Variants in GRIA2 observed in about 807,000 individuals in gnomAD.
GRIA2 encodes glutamate ionotropic receptor AMPA type subunit 2.
Under a neutral mutation model 97.3 loss-of-function variants are expected in GRIA2, and 14 were observed. The ratio of observed to expected loss-of-function variants is 0.14; its 90% confidence interval spans 0.10 to 0.23. The LOEUF (loss-of-function observed/expected upper bound fraction) is 0.23. Ranked by LOEUF, GRIA2 falls within the 10% of genes least tolerant of loss-of-function variation. The pLI, the probability that GRIA2 is intolerant of heterozygous loss-of-function variation, is 1.00. For synonymous variants in GRIA2, 412 were observed against 387.8 expected, an observed-to-expected ratio of 1.06 and a Z score of -0.73; for missense variants, 558 against 1,069.8, an observed-to-expected ratio of 0.52 and a Z score of 6.67.
intron 2 of GRIA2, among the ~76,000 whole-genome samples, chr4:157,290,848 G>T (rs1181276823): frequency 1.3e-5 from 2 of 151,446 alleles, no homozygotes; most frequent in Non-Finnish European, 2.9e-5. Flanking sequence ...CAACCAACCT[G>T]GGTAGTTCAC....
chr4:157,319,572 T>C (rs760158449), intron 5 of GRIA2, among the ~76,000 whole-genome samples: 4 of 152,170 alleles, frequency 2.6e-5, no homozygotes, highest in Non-Finnish European at 4.4e-5. Context: ...AAAGGCTGTA[T>C]AGTGTTGCAA....
At chr4:157,341,546 C>A in intron 12 of GRIA2, 84 bp downstream of exon 12, 1 of 906,456 alleles carries the variant, frequency 1.1e-6, no homozygotes, top group Non-Finnish European at 1.8e-6. Context: ...TAGTCAATTC[C>A]AAGGTACTAT....
At chr4:157,229,451 T>C (rs1236942782) in intron 2 of GRIA2, among the ~76,000 whole-genome samples, 1 of 152,206 alleles carries the variant, frequency 6.6e-6, no homozygotes, top group Non-Finnish European at 1.5e-5. Context: ...TTGAAATTTA[T>C]TGGTATCTTC....
intron 4 of GRIA2, among the ~76,000 whole-genome samples, chr4:157,313,991 G>T (rs1358563136): frequency 6.6e-6 from 1 of 152,072 alleles, no homozygotes; most frequent in East Asian, 1.9e-4. Flanking sequence ...AGTGGAAGTG[G>T]ATCATCATAA....
In GRIA2 at chr4:157,252,266, T is replaced by C. The variant is rs1266860936; in HGVS notation, c.229+30459T>C. Among the ~76,000 whole-genome samples the C allele has an allele frequency of 2.0e-5, 3 of 152,124 alleles. No individual in the cohort carries two copies. In the East Asian group the frequency reaches 5.8e-4, roughly 29 times the overall value. On this transcript the variant is annotated intron_variant, in intron 2 of 15. Coordinates refer to ENST00000264426, the MANE Select transcript of GRIA2 (RefSeq NM_001083619.3). The stretch of plus-strand genomic sequence containing the variant: ...TGATCATATGGAACAAAAGCACTTG[T>C]GTGGTTGTGACTGCGAGCCGACTGG...
chr4:157,342,878 T>C (rs1392472290), intron 12 of GRIA2, among the ~76,000 whole-genome samples: 2 of 152,096 alleles, frequency 1.3e-5, no homozygotes, highest in Admixed American at 6.6e-5. Flanking sequence ...GTTTCAGTTA[T>C]TACCTTGTTT....
chr4:157,349,395 T>C (rs563881011), intron 12 of GRIA2, among the ~76,000 whole-genome samples: 37 of 152,112 alleles, frequency 2.4e-4, no homozygotes, highest in African/African-American at 7.9e-4. Flanking sequence ...TTTTTCATAG[T>C]CAAATTTTCT....
rs1427516697 is a variant in GRIA2 at position 157,322,240 on chromosome 4, A to AGTGTGT, written c.882+642_882+643insTGTGTG. On this transcript the variant is annotated intron_variant, in intron 6 of 15. Coordinates refer to ENST00000264426, the MANE Select transcript of GRIA2 (RefSeq NM_001083619.3). Reference sequence around the variant, plus strand: ...GAGAGAGAGTGAGAAAGAGAGAGAGAGAGTGTGTGTGTGTGTGTGTGTGTG... The same window carrying AGTGTGT: ...GAGAGAGAGTGAGAAAGAGAGAGAGAGTGTGTGAGTGTGTGTGTGTGTGTGTGTGTG... 5.8e-5 allele frequency among the ~76,000 whole-genome samples: 7 copies of AGTGTGT among 120,566 alleles called. No individual in the cohort carries two copies. In the South Asian group the frequency reaches 1.8e-3, roughly 32 times the overall value. 79.1% of individuals were successfully genotyped at this position (120,566 alleles called of 152,430 possible). A position where few individuals can be genotyped will look rare whatever the true frequency, so the allele number is the denominator to read the frequency against.
chr4:157,223,747 T>C (rs1729616343), intron 2 of GRIA2, among the ~76,000 whole-genome samples: 1 of 152,234 alleles, frequency 6.6e-6, no homozygotes. Context: ...TTGACAGCTG[T>C]ACTTTTTGAA....
At chr4:157,307,710 A>T (rs1006771981) in intron 3 of GRIA2, among the ~76,000 whole-genome samples, 1 of 152,252 alleles carries the variant, frequency 6.6e-6, no homozygotes, top group Non-Finnish European at 1.5e-5. Context: ...AGTGTCAACA[A>T]GGTAAGATAA....
intron 12 of GRIA2, among the ~76,000 whole-genome samples, chr4:157,355,908 T>TATTA (rs1560781051): frequency 1.9e-4 from 12 of 61,802 alleles, no homozygotes; most frequent in East Asian, 5.4e-4. Context: ...TATAAATATA[T>TATTA]ATATATTAAT....
rs1428065398 is a variant in GRIA2, at chr4:157,355,696, A to C, written c.2044-4200A>C. 1.3e-4 allele frequency among the ~76,000 whole-genome samples: 6 copies of C among 45,684 alleles called. No individual in the cohort carries two copies. The East Asian group carries it at 7.4e-3, about 57-fold the overall frequency. The allele number at this position is 45,684 out of a possible 152,430, so 30.0% of individuals were successfully genotyped here. On this transcript the variant is annotated intron_variant, in intron 12 of 15. Transcript: ENST00000264426. Reference sequence around the variant, plus strand: ...TATATATTTATTTATATATTTATTTATATATATTTGTATATATTTATTTAT... The same window carrying C: ...TATATATTTATTTATATATTTATTTCTATATATTTGTATATATTTATTTAT...
chr4:157,311,388 G>T (rs765125400), intron 3 of GRIA2, among the ~76,000 whole-genome samples: 35 of 151,902 alleles, frequency 2.3e-4, no homozygotes, highest in Non-Finnish European at 4.9e-4. Flanking sequence ...GCTCCTGTGT[G>T]CTTTGAGGTA....
At chr4:157,326,757 TC>T (rs1210994760) in intron 6 of GRIA2, among the ~76,000 whole-genome samples, 2 of 152,180 alleles carry the variant, frequency 1.3e-5, no homozygotes, top group African/African-American at 4.8e-5. Context: ...TGCTGAGAAA[TC>T]ATACTTTAGA....
At chr4:157,341,564 C>T (rs781441783) in intron 12 of GRIA2, 102 bp downstream of exon 12, 6 of 763,332 alleles carry the variant, frequency 7.9e-6, no homozygotes, top group Non-Finnish European at 1.4e-5. Flanking sequence ...TATGTGAAAG[C>T]ACCCCTAATT....
chr4:157,333,099 C>T lies in GRIA2; in HGVS notation c.1050+113C>T, dbSNP rs559286454. 293 of 986,538 alleles carry T rather than the reference C, an allele frequency of 3.0e-4. No homozygotes were observed. The highest frequency in any genetic ancestry group is 3.7e-4 in the Non-Finnish European group (248 of 670,564). 61.1% of individuals were successfully genotyped at this position (986,538 alleles called of 1,614,324 possible). A position where few individuals can be genotyped will look rare whatever the true frequency, so the allele number is the denominator to read the frequency against. ...TTGTGTCTAATATACAGGCAATGTT[C>T]TTTTCTAACAACACAAAGGTAGGTT... On this transcript the variant is annotated intron_variant, in intron 7 of 15. Coordinates refer to ENST00000264426, the MANE Select transcript of GRIA2 (RefSeq NM_001083619.3).
At chr4:157,353,309 G>A (rs1221140204) in intron 12 of GRIA2, among the ~76,000 whole-genome samples, 1 of 151,468 alleles carries the variant, frequency 6.6e-6, no homozygotes, top group African/African-American at 2.4e-5. Context: ...CCAAGATGGC[G>A]CCATTGCACT....
chr4:157,285,557 TTGTGTGTGTGTG>T (rs149477258), intron 2 of GRIA2, among the ~76,000 whole-genome samples: 17 of 147,330 alleles, frequency 1.2e-4, no homozygotes, highest in Admixed American at 4.8e-4. Context: ...CCTATAATAT[TTGTGTGTGTGTG>T]TGTGTGTGTG....
In GRIA2 at chr4:157,333,296, A is replaced by T. The variant is rs1579371251; in HGVS notation, c.1098A>T (p.Gly366=). 1 of 1,602,870 alleles carries T rather than the reference A, an allele frequency of 6.2e-7. No homozygotes were observed. Among genetic ancestry groups the T allele is most frequent in the African/African-American group, 1.3e-5 (1 of 74,430 alleles). ...LSGNIKFDQN[G]KRINYTINIM... ...GAAATATAAAGTTTGACCAGAATGG[A>T]AAAAGAATAAACTATACAATTAACA... Residue 366 remains glycine (G), a synonymous_variant, in exon 8 of 16, where the codon GGA becomes GGT. Transcript: ENST00000264426.
Sources: gnomAD v4.1 joint callset for allele counts (sites outside exome capture counted in the v4.1 genomes callset) on GRCh38, gnomAD v4.1.1 for gene constraint, MANE v1.5 for transcripts, NCBI Gene and HGNC (gene_info 2026-07-23, HGNC 2026-07-21) for gene names.